Variants in NOL12 observed in about 807,000 individuals in gnomAD.
The protein encoded by NOL12 is nucleolar protein 12.
NOL12 carries 21 observed loss-of-function variants against 25.2 expected under a neutral mutation model. The observed-to-expected ratio is 0.83, with a 90% confidence interval of 0.59 to 1.20. NOL12 has a LOEUF of 1.20. NOL12 is among the 50% of genes most tolerant of loss of function. The pLI, the probability that NOL12 is intolerant of heterozygous loss-of-function variation, is 0.00. For missense variants in NOL12, 286 were observed against 287.6 expected, an observed-to-expected ratio of 0.99 and a Z score of 0.04; for synonymous variants, 133 against 113.8, an observed-to-expected ratio of 1.17 and a Z score of -1.08.
At chr22:37,686,498 A>T (rs1176869632) in intron 1 of NOL12, 23 bp downstream of exon 1, 1 of 1,573,262 alleles carries the variant, frequency 6.4e-7, no homozygotes, top group Non-Finnish European at 8.6e-7. Flanking sequence ...GCCGGACCGG[A>T]CTCCCCTCGA....
chr22:37,686,459 G>A lies in NOL12; in HGVS notation c.67G>A (p.Asp23Asn). 1 of 1,603,254 alleles carries A rather than the reference G, an allele frequency of 6.2e-7. No individual in the cohort carries two copies. Among genetic ancestry groups the A allele is most frequent in the Non-Finnish European group, 8.5e-7 (1 of 1,176,062 alleles). ...GCGGCCGAGGCTCGTTCTTAGCTTCGACGAGGAGAAGAGGCGGTGAGTGGC... is the reference window on the plus strand; with the variant it reads ...GCGGCCGAGGCTCGTTCTTAGCTTCAACGAGGAGAAGAGGCGGTGAGTGGC... ...DRRPRLVLSF[D>N]EEKRREYLTG... Residue 23 changes from aspartate (D) to asparagine (N), a missense_variant, in exon 1 of 6, where the codon GAC (aspartate) becomes AAC (asparagine). Transcript: ENST00000359114.
In NOL12 at chr22:37,692,681, G is replaced by C. The variant is rs1324301398; in HGVS notation, c.*1345G>C. The C allele has an allele frequency of 2.5e-6, 1 of 398,816 alleles. No individual in the cohort carries two copies. The highest frequency in any genetic ancestry group is 2.1e-5 in the African/African-American group (1 of 48,646). 24.7% of individuals were successfully genotyped at this position (398,816 alleles called of 1,614,324 possible). A position where few individuals can be genotyped will look rare whatever the true frequency, so the allele number is the denominator to read the frequency against. On this transcript the variant is annotated 3_prime_UTR_variant, in exon 6 of 6. Transcript: ENST00000359114. ...GGATGACAGGACAGTGCGGTGAGGG[G>C]CATCTGCGACAGGACTGCGGGCTCT...
At position 37,691,371 on chromosome 22, in the gene NOL12, C is replaced by T. The variant is rs199924900; in HGVS notation, c.*35C>T. The T allele has an allele frequency of 2.0e-5, 32 of 1,567,994 alleles. No individual in the cohort carries two copies. The Admixed American group carries it at 4.0e-4, about 20-fold the overall frequency. On this transcript the variant is annotated 3_prime_UTR_variant, in exon 6 of 6. Transcript: ENST00000359114. ...CGAAGCGGTGCCCCAGTCTAGGCTG[C>T]GGGGACCTGTCCTTGCTCAGCTTGG... is the stretch of plus-strand genomic sequence containing the variant.
At position 37,687,981 on chromosome 22, in the gene NOL12, G is replaced by A. The variant is rs777378040; in HGVS notation, c.155G>A (p.Arg52Gln). 14 of 1,586,724 alleles carry A rather than the reference G, an allele frequency of 8.8e-6. 1 individual carries two copies. Among genetic ancestry groups the A allele is most frequent in the South Asian group, 4.6e-5 (4 of 86,560 alleles). ...GCAGCCATTGAGGAGATTAAGCAGC[G>A]GCTGAAAGAGGAGCAGAGGAAGCTT... ...KKAAIEEIKQ[R>Q]LKEEQRKLRE... The change falls in exon 2 of 6, where the codon CGG becomes CAG. Residue 52 changes from arginine (R) to glutamine (Q), a missense_variant. Coordinates refer to ENST00000359114, the MANE Select transcript of NOL12 (RefSeq NM_024313.3).
rs561334288 is a variant in NOL12, at chr22:37,687,516, G to C, written c.84-394G>C. Among the ~76,000 whole-genome samples the C allele has an allele frequency of 1.6e-4, 24 of 152,290 alleles. No homozygotes were observed. The East Asian group carries it at 4.6e-3, about 29-fold the overall frequency. On this transcript the variant is annotated intron_variant, in intron 1 of 5. Coordinates refer to ENST00000359114, the MANE Select transcript of NOL12 (RefSeq NM_024313.3). ...TGTGTCGTCCAGGCTGGAGTGCAGT[G>C]GCATGATCTCGGCTCACTGCAACCT...
At chr22:37,687,779 G>C in intron 1 of NOL12, 131 bp from the exon 2 acceptor site, 1 of 647,198 alleles carries the variant, frequency 1.5e-6, no homozygotes. Context: ...GGTTAAATGA[G>C]CTAATACTTA....
Position 37,691,437 on chromosome 22 carries a change from C to G in NOL12, c.*101C>G. On this transcript the variant is annotated 3_prime_UTR_variant, in exon 6 of 6. Transcript: ENST00000359114. ...AGCCTGCACCTAGGTAATGACTGCA[C>G]AGCTCAAGGTTGGGAAGCCAGGACC... is the stretch of plus-strand genomic sequence containing the variant. 1 of 1,347,770 alleles carries G rather than the reference C, an allele frequency of 7.4e-7. No homozygotes were observed. The highest frequency in any genetic ancestry group is 9.9e-7 in the Non-Finnish European group (1 of 1,014,012). The allele number at this position is 1,347,770 out of a possible 1,614,324, so 83.5% of individuals were successfully genotyped here. A position where few individuals can be genotyped will look rare whatever the true frequency, so the allele number is the denominator to read the frequency against.
chr22:37,692,636 G>T lies in NOL12; in HGVS notation c.*1300G>T, dbSNP rs117826239. Reference sequence around the variant, plus strand: ...AACTGTGTTCCCAGGGCTTGCTGACGCCCGTGGACTATGGAGTCAGGATGA... The same window carrying T: ...AACTGTGTTCCCAGGGCTTGCTGACTCCCGTGGACTATGGAGTCAGGATGA... On this transcript the variant is annotated 3_prime_UTR_variant, in exon 6 of 6. Coordinates refer to ENST00000359114, the MANE Select transcript of NOL12 (RefSeq NM_024313.3). 10,402 of 398,726 alleles carry T rather than the reference G, an allele frequency of 0.026. 176 individuals carry two copies. Among genetic ancestry groups the T allele is most frequent in the Non-Finnish European group, 0.035 (8,021 of 226,138 alleles). 24.7% of individuals were successfully genotyped at this position (398,726 alleles called of 1,614,324 possible). A position where few individuals can be genotyped will look rare whatever the true frequency, so the allele number is the denominator to read the frequency against.
chr22:37,687,200 G>A (rs1921854504), intron 1 of NOL12: 1 of 577,894 alleles, frequency 1.7e-6, no homozygotes, highest in Admixed American at 6.4e-5. Context: ...TGAAAACCCT[G>A]TTGAGAGAGT....
At chr22:37,686,642 G>GC in intron 1 of NOL12, 167 bp downstream of exon 1, 2 of 985,342 alleles carry the variant, frequency 2.0e-6, no homozygotes, top group South Asian at 9.4e-5. Flanking sequence ...TCCCTTCTCG[G>GC]CCGCCACCTT....
At chr22:37,686,543 G>A (rs1921822801) in intron 1 of NOL12, 68 bp downstream of exon 1, 4 of 1,458,556 alleles carry the variant, frequency 2.7e-6, no homozygotes, top group South Asian at 1.4e-5. Context: ...GTCTGGGGCC[G>A]AGCACGCTCC....
chr22:37,688,381 G>A (rs759477393), intron 3 of NOL12, 21 bp downstream of exon 3: 2 of 1,613,258 alleles, frequency 1.2e-6, no homozygotes, highest in Middle Eastern at 3.3e-4. Context: ...TGCTTGGCCT[G>A]ACCTGGAGAA....
chr22:37,692,848 A>C lies in NOL12; in HGVS notation c.*1512A>C, dbSNP rs1922131140. ...GTGCCTCAGTTATGCTGTACCTGGG[A>C]GTGGGCAGGCCCTCTCCCATGTCAC... is the stretch of plus-strand genomic sequence containing the variant. On this transcript the variant is annotated 3_prime_UTR_variant, in exon 6 of 6. Transcript: ENST00000359114. 5.0e-6 allele frequency: 2 copies of C among 397,374 alleles called. No homozygotes were observed. Among genetic ancestry groups the C allele is most frequent in the Non-Finnish European group, 4.4e-6 (1 of 225,914 alleles). 24.6% of individuals were successfully genotyped at this position (397,374 alleles called of 1,614,324 possible).
chr22:37,687,504 C>G (rs1179440242), intron 1 of NOL12, among the ~76,000 whole-genome samples: 1 of 152,198 alleles, frequency 6.6e-6, no homozygotes, highest in Admixed American at 6.5e-5. Context: ...GTCGTCCAGG[C>G]TGGAGTGCAG....
chr22:37,690,913 A>C, intron 5 of NOL12, 119 bp downstream of exon 5: 2 of 753,906 alleles, frequency 2.7e-6, no homozygotes, highest in Non-Finnish European at 4.4e-6. Flanking sequence ...CTGTCCAGTG[A>C]TCCTCTGCCT....
rs762848778 is a variant in NOL12, at chr22:37,688,842, C to T, written c.239-8C>T. The T allele has an allele frequency of 2.0e-5, 32 of 1,613,708 alleles. No homozygotes were observed. Among genetic ancestry groups the T allele is most frequent in the Admixed American group, 3.3e-5 (2 of 59,994 alleles). On this transcript the variant is annotated splice_polypyrimidine_tract_variant and splice_region_variant and intron_variant, in intron 3 of 5. Coordinates refer to ENST00000359114, the MANE Select transcript of NOL12 (RefSeq NM_024313.3). ...TGACTGAGACCAGGTCTGTGTCCAC[C>T]CCCACAGAGGAGGCAGATGAGCTGG... is the stretch of plus-strand genomic sequence containing the variant.
intron 1 of NOL12, 124 bp downstream of exon 1, chr22:37,686,599 C>G: frequency 7.2e-7 from 1 of 1,380,536 alleles, no homozygotes; most frequent in South Asian, 1.7e-5. Flanking sequence ...GCTAGAGAAC[C>G]CCTCTCGGCC....
intron 1 of NOL12, among the ~76,000 whole-genome samples, chr22:37,687,527 G>A (rs939009825): frequency 1.3e-5 from 2 of 152,012 alleles, no homozygotes; most frequent in African/African-American, 2.4e-5. Flanking sequence ...GCATGATCTC[G>A]GCTCACTGCA....
At chr22:37,690,984 C>T (rs923979659) in intron 5 of NOL12, 190 bp downstream of exon 5, 24 of 713,510 alleles carry the variant, frequency 3.4e-5, no homozygotes, top group Non-Finnish European at 5.1e-5. Flanking sequence ...CAGTGCTTTT[C>T]GTGCCTGGGT....
Sources: allele counts gnomAD v4.1 joint callset (sites outside exome capture counted in the v4.1 genomes callset), GRCh38; gene constraint gnomAD v4.1.1; transcripts MANE v1.5; gene names NCBI Gene and HGNC (gene_info 2026-07-23, HGNC 2026-07-21).